The following CRCP variants were observed in gnomAD, a reference collection of about 807,000 sequenced individuals.
The protein encoded by CRCP is CGRP receptor component, also known as DNA-directed RNA polymerase III subunit RPC9.
In CRCP, 18 loss-of-function variants were observed where a neutral mutation model predicts 18.5. The ratio of observed to expected loss-of-function variants is 0.97; its 90% CI spans 0.67 to 1.44. The LOEUF (loss-of-function observed/expected upper bound fraction) is 1.44, where lower values mean the gene tolerates loss of function less well. Ranked by LOEUF, CRCP falls within the 40% of genes most tolerant of loss-of-function variation. CRCP has a pLI of 0.00. For missense variants in CRCP, 130 were observed against 176.4 expected, an observed-to-expected ratio of 0.74 and a Z score of 1.49; for synonymous variants, 53 against 62.9, an observed-to-expected ratio of 0.84 and a Z score of 0.75.
chr7:66,138,041 T>C (rs1788020121), intron 4 of CRCP, among the ~76,000 whole-genome samples: 1 of 152,238 alleles, frequency 6.6e-6, no homozygotes, highest in Admixed American at 6.5e-5. Flanking sequence ...CTTTTTATCA[T>C]TTACTTCACC....
rs192186376 is a variant in CRCP, at chr7:66,132,933, A to G, written c.145-1347A>G. The stretch of plus-strand genomic sequence containing the variant: ...CTCAAATAAATAAATAAATAAATAA[A>G]TAAGATGAAAGGACTTACCAAGTTT... On this transcript the variant is annotated intron_variant, in intron 3 of 5. Coordinates refer to ENST00000395326, the MANE Select transcript of CRCP (RefSeq NM_014478.5). Among the ~76,000 whole-genome samples the G allele has an allele frequency of 2.0e-5, 3 of 151,906 alleles. No homozygotes were observed. In the East Asian group the frequency reaches 5.8e-4, roughly 29 times the overall value.
chr7:66,145,581 C>T (rs1788269865), intron 5 of CRCP, 81 bp downstream of exon 5: 1 of 1,490,194 alleles, frequency 6.7e-7, no homozygotes, highest in Admixed American at 1.7e-5. Flanking sequence ...CCAGGAACTG[C>T]GTTTTTTTTA....
intron 1 of CRCP, among the ~76,000 whole-genome samples, chr7:66,116,844 G>A (rs1418400764): frequency 6.6e-6 from 1 of 152,106 alleles, no homozygotes; most frequent in Non-Finnish European, 1.5e-5. Context: ...GAACCAGCGG[G>A]GCGTGGTGGC....
chr7:66,118,366 C>T (rs1787337043), intron 1 of CRCP, among the ~76,000 whole-genome samples: 1 of 152,154 alleles, frequency 6.6e-6, no homozygotes, highest in Non-Finnish European at 1.5e-5. Context: ...TTTCATAGTA[C>T]CTTGATTTAC....
At chr7:66,148,810 G>A (rs1400900949) in intron 5 of CRCP, among the ~76,000 whole-genome samples, 4 of 152,214 alleles carry the variant, frequency 2.6e-5, no homozygotes, top group African/African-American at 7.2e-5. Context: ...CATATAGAGC[G>A]TTATTGCTTG....
intron 2 of CRCP, among the ~76,000 whole-genome samples, chr7:66,129,560 C>T (rs1787727960): frequency 1.3e-5 from 2 of 151,772 alleles, no homozygotes; most frequent in South Asian, 4.2e-4. Context: ...CCTTGTGGTG[C>T]TCCCCTCCCC....
intron 1 of CRCP, among the ~76,000 whole-genome samples, chr7:66,124,444 G>A (rs1216678712): frequency 6.6e-6 from 1 of 152,070 alleles, no homozygotes; most frequent in Non-Finnish European, 1.5e-5. Context: ...TTTTGATTCT[G>A]ATATTTGCTG....
At chr7:66,144,040 G>A (rs1444130485) in intron 4 of CRCP, among the ~76,000 whole-genome samples, 1 of 152,160 alleles carries the variant, frequency 6.6e-6, no homozygotes. Flanking sequence ...TCTTTAATGC[G>A]ATAAATACTT....
chr7:66,127,167 G>A (rs1787639960), intron 1 of CRCP, among the ~76,000 whole-genome samples: 1 of 152,184 alleles, frequency 6.6e-6, no homozygotes. Flanking sequence ...AGAGTGGATC[G>A]ATTGTGATTT....
intron 1 of CRCP, among the ~76,000 whole-genome samples, chr7:66,126,805 C>T (rs975509059): frequency 3.4e-5 from 5 of 149,240 alleles, no homozygotes; most frequent in African/African-American, 1.2e-4. Flanking sequence ...GTTCCAAGTA[C>T]TTTACATGTT....
In CRCP at chr7:66,130,732, A is replaced by T; in HGVS notation, c.46-12A>T. The T allele has an allele frequency of 2.0e-6, 3 of 1,512,412 alleles. No homozygotes were observed. In the Admixed American group the frequency reaches 5.3e-5, roughly 27 times the overall value. The allele number at this position is 1,512,412 out of a possible 1,614,324, so 93.7% of individuals were successfully genotyped here. A position where few individuals can be genotyped will look rare whatever the true frequency, so the allele number is the denominator to read the frequency against. On this transcript the variant is annotated splice_polypyrimidine_tract_variant and intron_variant, in intron 2 of 5. Transcript: ENST00000395326. ...ATTTATTCATAAACGTCTTTTTTGT[A>T]TCTCCTCCTAGGTATTTCAGTTACT...
At chr7:66,142,172 T>C (rs149575717) in intron 4 of CRCP, among the ~76,000 whole-genome samples, 1 of 152,298 alleles carries the variant, frequency 6.6e-6, no homozygotes, top group African/African-American at 2.4e-5. Flanking sequence ...TCCGATTGGC[T>C]GCTGGTTCCC....
At chr7:66,145,295 A>G (rs1788260911) in intron 4 of CRCP, 148 bp from the exon 5 acceptor site, 2 of 754,650 alleles carry the variant, frequency 2.7e-6, no homozygotes, top group African/African-American at 3.4e-5. Context: ...TCCTGTTCCC[A>G]TTCTCTCGAT....
In CRCP at chr7:66,114,935, G is replaced by T. The variant is rs763193569; in HGVS notation, c.-28G>T. The T allele has an allele frequency of 6.2e-7, 1 of 1,612,036 alleles. No individual in the cohort carries two copies. Among genetic ancestry groups the T allele is most frequent in the Admixed American group, 1.7e-5 (1 of 59,930 alleles). On this transcript the variant is annotated 5_prime_UTR_variant, in exon 1 of 6. Transcript: ENST00000395326. Reference sequence around the variant, plus strand: ...GAAGTGTGAGGTTCTTTGTCTGCTGGCAGCTAGGGGCGACGAGGCGGGACG... The same window carrying T: ...GAAGTGTGAGGTTCTTTGTCTGCTGTCAGCTAGGGGCGACGAGGCGGGACG...
At chr7:66,150,899 C>G (rs921898860) in intron 5 of CRCP, 2 of 152,140 alleles carry the variant, frequency 1.3e-5, no homozygotes, top group Admixed American at 1.3e-4. Flanking sequence ...CAGCTGACGA[C>G]CTAATTCTGT....
At chr7:66,133,061 T>C (rs1787856946) in intron 3 of CRCP, among the ~76,000 whole-genome samples, 1 of 152,136 alleles carries the variant, frequency 6.6e-6, no homozygotes. Flanking sequence ...ACCACAGTAA[T>C]TAAAAAATAT....
At chr7:66,142,296 C>T (rs922874982) in intron 4 of CRCP, among the ~76,000 whole-genome samples, 1 of 152,140 alleles carries the variant, frequency 6.6e-6, no homozygotes, top group Non-Finnish European at 1.5e-5. Flanking sequence ...GTTTGTCTCC[C>T]CAGCCGGTGG....
chr7:66,138,105 C>T (rs899447716), intron 4 of CRCP, among the ~76,000 whole-genome samples: 5 of 152,200 alleles, frequency 3.3e-5, no homozygotes, highest in African/African-American at 1.2e-4. Flanking sequence ...GCTACAAATT[C>T]TCTTATTTTC....
At position 66,154,395 on chromosome 7, in the gene CRCP, G is replaced by C. The variant is rs563287344; in HGVS notation, c.*2038G>C. 1.3e-5 allele frequency: 2 copies of C among 151,742 alleles called. No individual in the cohort carries two copies. The highest frequency in any genetic ancestry group is 4.8e-5 in the African/African-American group (2 of 41,336). 9.4% of individuals were successfully genotyped at this position (151,742 alleles called of 1,614,324 possible). ...TTTTGCCATATTGGCCAGGCTAGTCGTAATGTCTCTTTTTAACACTGAATA... is the reference window on the plus strand; with the variant it reads ...TTTTGCCATATTGGCCAGGCTAGTCCTAATGTCTCTTTTTAACACTGAATA... On this transcript the variant is annotated 3_prime_UTR_variant, in exon 6 of 6. Transcript: ENST00000395326.
Sources: allele counts gnomAD v4.1 joint callset (sites outside exome capture counted in the v4.1 genomes callset), GRCh38; gene constraint gnomAD v4.1.1; transcripts MANE v1.5; gene names NCBI Gene and HGNC (gene_info 2026-07-23, HGNC 2026-07-21).